ELAVL4: variants seen among roughly 807,000 people sequenced by gnomAD.
The protein encoded by ELAVL4 is ELAV like RNA binding protein 4.
A neutral mutation model predicts 35.6 loss-of-function variants in ELAVL4; 1 was observed. The observed-to-expected ratio is 0.03, with a 90% CI of 0.01 to 0.13. The LOEUF (loss-of-function observed/expected upper bound fraction) is 0.13. ELAVL4 is among the 10% of genes least tolerant of loss of function. The pLI is 1.00. For synonymous variants in ELAVL4, 156 were observed against 171.0 expected, an observed-to-expected ratio of 0.91 and a Z score of 0.69; for missense variants, 267 against 464.9, an observed-to-expected ratio of 0.57 and a Z score of 3.91.
chr1:50,125,598 G>A lies in ELAVL4; in HGVS notation c.9+16400G>A, dbSNP rs532620150. On this transcript the variant is annotated intron_variant, in intron 1 of 6. Transcript: ENST00000371824. Reference sequence around the variant, plus strand: ...CTTAAGATAGAGAACTCATAAAGAGGCCAGGGGTCCCAGCCTTTGAAGAGA... The same window carrying A: ...CTTAAGATAGAGAACTCATAAAGAGACCAGGGGTCCCAGCCTTTGAAGAGA... 1.3e-4 allele frequency among the ~76,000 whole-genome samples: 20 copies of A among 152,112 alleles called. No homozygotes were observed. In the South Asian group the frequency reaches 3.9e-3, roughly 30 times the overall value.
chr1:50,179,199 G>A (rs1478469803), intron 3 of ELAVL4, among the ~76,000 whole-genome samples: 1 of 150,902 alleles, frequency 6.6e-6, no homozygotes, highest in East Asian at 1.9e-4. Context: ...TCAAAACGCT[G>A]CCAACACATT....
At chr1:50,162,744 C>T (rs1013099270) in intron 2 of ELAVL4, among the ~76,000 whole-genome samples, 3 of 152,114 alleles carry the variant, frequency 2.0e-5, no homozygotes, top group Non-Finnish European at 1.5e-5. Flanking sequence ...CCACCACACC[C>T]AGCTAATTTT....
chr1:50,167,613 G>C (rs1447009203), intron 2 of ELAVL4, among the ~76,000 whole-genome samples: 2 of 152,170 alleles, frequency 1.3e-5, no homozygotes, highest in Non-Finnish European at 2.9e-5. Context: ...AGTGGCTGTA[G>C]CCAGGTCACC....
chr1:50,195,911 C>T lies in ELAVL4; in HGVS notation c.734+125C>T, dbSNP rs77226759. Reference sequence around the variant, plus strand: ...GCTTCCACCCCCAGGAATCACTGTGCAAAACTCCCCCCGAGCCTCAGTTTC... The same window carrying T: ...GCTTCCACCCCCAGGAATCACTGTGTAAAACTCCCCCCGAGCCTCAGTTTC... On this transcript the variant is annotated intron_variant, in intron 5 of 6. Coordinates refer to ENST00000371824, the MANE Select transcript of ELAVL4 (RefSeq NM_001144774.3). 4,663 of 1,072,946 alleles carry T rather than the reference C, an allele frequency of 4.3e-3. 143 individuals carry two copies. In the African/African-American group the frequency reaches 0.064, roughly 15 times the overall value. 66.5% of individuals were successfully genotyped at this position (1,072,946 alleles called of 1,614,324 possible).
Position 50,085,454 on chromosome 1 carries a change from T to C in ELAVL4, c.18+37272T>C, listed in dbSNP as rs561574592. On this transcript the variant is annotated intron_variant, in intron 1 of 6. Transcript: ENST00000448907. The stretch of plus-strand genomic sequence containing the variant: ...AAGGGTTCTAGAGAAGAGCGGCAAG[T>C]AGAGGTGCCCAGATTGGCTCTATTT... Among the ~76,000 whole-genome samples the C allele has an allele frequency of 6.6e-5, 10 of 152,300 alleles. No homozygotes were observed. In the East Asian group the frequency reaches 1.9e-3, roughly 29 times the overall value.
chr1:50,181,885 G>GT (rs1681092196), intron 3 of ELAVL4, among the ~76,000 whole-genome samples: 2 of 152,088 alleles, frequency 1.3e-5, no homozygotes, highest in South Asian at 4.1e-4. Context: ...GTTTCTCCGT[G>GT]TTGGTCAGTC....
chr1:50,136,749 T>C (rs72688521), intron 1 of ELAVL4, among the ~76,000 whole-genome samples: 3,017 of 152,224 alleles, frequency 0.02, 38 homozygotes, highest in Non-Finnish European at 0.031. Context: ...AAAAGAAACA[T>C]CATGTTCTGT....
intron 1 of ELAVL4, among the ~76,000 whole-genome samples, chr1:50,087,891 C>T (rs1383308526): frequency 6.6e-6 from 1 of 152,222 alleles, no homozygotes; most frequent in Non-Finnish European, 1.5e-5. Context: ...AAATACATTT[C>T]TTTTGTTTAA....
intron 1 of ELAVL4, among the ~76,000 whole-genome samples, chr1:50,125,853 C>T (rs1669817870): frequency 1.3e-5 from 2 of 152,022 alleles, no homozygotes; most frequent in South Asian, 4.1e-4. Context: ...TCTTAGGAGT[C>T]TGCAAAATGG....
chr1:50,166,115 A>T (rs898920091), intron 2 of ELAVL4, among the ~76,000 whole-genome samples: 1 of 151,870 alleles, frequency 6.6e-6, no homozygotes, highest in Non-Finnish European at 1.5e-5. Context: ...GCCTTTGTTA[A>T]TCTCTTTTGG....
chr1:50,148,211 G>T (rs1222837225), intron 2 of ELAVL4, among the ~76,000 whole-genome samples: 1 of 152,154 alleles, frequency 6.6e-6, no homozygotes, highest in South Asian at 2.1e-4. Flanking sequence ...GTGGAGCTGG[G>T]AGTCACCCCT....
intron 2 of ELAVL4, among the ~76,000 whole-genome samples, chr1:50,163,213 C>G (rs1029600867): frequency 2.0e-5 from 3 of 152,162 alleles, no homozygotes; most frequent in Non-Finnish European, 4.4e-5. Flanking sequence ...AGTCTCAATT[C>G]AGATATCACA....
At chr1:50,102,218 G>A (rs1036648794), upstream of ELAVL4, among the ~76,000 whole-genome samples, 17 of 151,924 alleles carry the variant, frequency 1.1e-4, no homozygotes, top group Non-Finnish European at 1.9e-4. Flanking sequence ...CCTGGGAGGC[G>A]GAGCTTGCGG....
intron 1 of ELAVL4, among the ~76,000 whole-genome samples, chr1:50,118,939 A>G (rs1380783022): frequency 7.5e-6 from 1 of 132,586 alleles, no homozygotes; most frequent in African/African-American, 3.1e-5. Flanking sequence ...TATGCTAAAA[A>G]AAGAAAGAGA....
chr1:50,098,018 A>G (rs894088498), intron 1 of ELAVL4, among the ~76,000 whole-genome samples: 2 of 152,210 alleles, frequency 1.3e-5, no homozygotes, highest in Admixed American at 6.5e-5. Context: ...ATCCTTGAAC[A>G]AGATGTAAGT....
At position 50,095,997 on chromosome 1, in the gene ELAVL4, C is replaced by T. The variant is rs569287028; in HGVS notation, c.18+47815C>T. ...TTCCGTTGGTAGAGCTTTCTCACAA[C>T]AGAAAAAAATGATTTTGTGGAAAGG... On this transcript the variant is annotated intron_variant, in intron 1 of 6. Coordinates refer to the ELAVL4 transcript ENST00000448907. Among the ~76,000 whole-genome samples, 8 of 152,110 alleles carry T rather than the reference C, an allele frequency of 5.3e-5. No individual in the cohort carries two copies. The South Asian group carries it at 1.7e-3, about 32-fold the overall frequency.
chr1:50,078,389 T>A (rs1664861602), intron 1 of ELAVL4, among the ~76,000 whole-genome samples: 1 of 152,120 alleles, frequency 6.6e-6, no homozygotes, highest in Non-Finnish European at 1.5e-5. Flanking sequence ...TTGGGCCACC[T>A]AAAACTCATT....
chr1:50,195,093 G>A (rs1038405182), intron 4 of ELAVL4, among the ~76,000 whole-genome samples: 2 of 152,230 alleles, frequency 1.3e-5, no homozygotes, highest in Non-Finnish European at 1.5e-5. Context: ...TAGAATGGGA[G>A]TCAGTGAAGA....
intron 1 of ELAVL4, among the ~76,000 whole-genome samples, chr1:50,078,020 C>T (rs1664840642): frequency 6.6e-6 from 1 of 152,088 alleles, no homozygotes; most frequent in East Asian, 1.9e-4. Context: ...TTACTAACTT[C>T]TCTGTCCCTG....
Sources: allele counts gnomAD v4.1 joint callset (sites outside exome capture counted in the v4.1 genomes callset), GRCh38; gene constraint gnomAD v4.1.1; transcripts MANE v1.5; gene names NCBI Gene and HGNC (gene_info 2026-07-23, HGNC 2026-07-21).